Variants in WWOX observed in about 807,000 individuals in gnomAD.
WWOX encodes WW domain containing oxidoreductase, also known as WW domain-containing oxidoreductase.
A neutral mutation model predicts 46.2 loss-of-function variants in WWOX; 69 were observed. That is an observed-to-expected ratio of 1.49 (90% CI 1.23 to 1.82). The LOEUF (loss-of-function observed/expected upper bound fraction) is 1.82, where lower values mean the gene tolerates loss of function less well. Ranked by LOEUF, WWOX falls within the 40% of genes most tolerant of loss-of-function variation. The pLI is 0.00. For missense variants in WWOX, 919 were observed against 542.6 expected (o/e 1.69, Z -6.89); for synonymous variants, 359 against 202.6 (o/e 1.77, Z -6.56).
chr16:78,626,684 G>A (rs1057117391), intron 8 of WWOX, among the ~76,000 whole-genome samples: 1 of 152,110 alleles, frequency 6.6e-6, no homozygotes, highest in South Asian at 2.1e-4. Context: ...GCTGTGCCCA[G>A]CTCATGCTTG....
intron 8 of WWOX, among the ~76,000 whole-genome samples, chr16:78,834,421 C>T (rs574881321): frequency 6.6e-6 from 1 of 152,246 alleles, no homozygotes; most frequent in South Asian, 2.1e-4. Context: ...TTCTAGGTTT[C>T]TGTGCCCCTC....
chr16:78,542,068 T>G (rs1049100503), intron 8 of WWOX, among the ~76,000 whole-genome samples: 5 of 135,502 alleles, frequency 3.7e-5, no homozygotes, highest in Non-Finnish European at 7.8e-5. Flanking sequence ...AGACCCCAGC[T>G]TAGGACCTGG....
intron 8 of WWOX, among the ~76,000 whole-genome samples, chr16:78,568,212 G>A (rs1008209487): frequency 6.6e-6 from 1 of 152,112 alleles, no homozygotes; most frequent in African/African-American, 2.4e-5. Context: ...AACATCGGCT[G>A]TGCATAGTAA....
chr16:78,354,842 C>T (rs12445154), intron 5 of WWOX, among the ~76,000 whole-genome samples: 110,805 of 152,090 alleles, frequency 0.73, 41,334 homozygotes, highest in African/African-American at 0.79. Flanking sequence ...TCATCAAAAA[C>T]AGAGATGACA....
intron 5 of WWOX, among the ~76,000 whole-genome samples, chr16:78,187,008 C>G (rs953298415): frequency 7.2e-5 from 11 of 152,080 alleles, no homozygotes; most frequent in African/African-American, 2.2e-4. Flanking sequence ...GCGGCTCTCT[C>G]TGTGTGTGTG....
intron 8 of WWOX, among the ~76,000 whole-genome samples, chr16:78,684,794 T>G (rs2047817111): frequency 6.6e-6 from 1 of 152,220 alleles, no homozygotes; most frequent in Non-Finnish European, 1.5e-5. Context: ...GAGCTTCTCT[T>G]TGTTCCCATA....
intron 8 of WWOX, among the ~76,000 whole-genome samples, chr16:78,808,134 C>T (rs2051091563): frequency 6.6e-6 from 1 of 152,172 alleles, no homozygotes; most frequent in Non-Finnish European, 1.5e-5. Flanking sequence ...CTGTAGTCAA[C>T]CCCACTCCTC....
chr16:78,602,603 A>C (rs1003416361), intron 8 of WWOX, among the ~76,000 whole-genome samples: 1 of 152,186 alleles, frequency 6.6e-6, no homozygotes, highest in African/African-American at 2.4e-5. Context: ...TTCCATGCAA[A>C]AGATAAACTG....
intron 8 of WWOX, among the ~76,000 whole-genome samples, chr16:78,729,361 AAAAAT>A (rs1448346670): frequency 2.6e-5 from 4 of 152,004 alleles, no homozygotes; most frequent in South Asian, 4.1e-4. Context: ...AAGTAAAAAT[AAAAAT>A]AAAATAAATA....
At chr16:78,469,360 CAG>C (rs1467141028) in intron 8 of WWOX, among the ~76,000 whole-genome samples, 11 of 152,252 alleles carry the variant, frequency 7.2e-5, no homozygotes, top group African/African-American at 2.6e-4. Context: ...GTTACAAAGG[CAG>C]ACTCTTAAGC....
rs201595248 is a variant in WWOX, at chr16:78,827,682, A to AT, written c.1057-383926_1057-383925insT. Among the ~76,000 whole-genome samples, 274 of 151,696 alleles carry AT rather than the reference A, an allele frequency of 1.8e-3. 7 individuals carry two copies. The East Asian group carries it at 0.034, about 19-fold the overall frequency. On this transcript the variant is annotated intron_variant, in intron 8 of 8. Transcript: ENST00000566780. Reference sequence around the variant, plus strand: ...ACCCCATCTCTACTAAAAATAAAAAAAAAAAAAAATTAGCCAGGCATGGTG... The same window carrying AT: ...ACCCCATCTCTACTAAAAATAAAAAATAAAAAAAAATTAGCCAGGCATGGTG...
At chr16:79,008,279 T>C (rs1239781382) in intron 8 of WWOX, among the ~76,000 whole-genome samples, 1 of 152,164 alleles carries the variant, frequency 6.6e-6, no homozygotes, top group African/African-American at 2.4e-5. Flanking sequence ...GGCTCCCCCA[T>C]GCTCTGAGTC....
intron 8 of WWOX, among the ~76,000 whole-genome samples, chr16:79,186,622 CG>C (rs375702729): frequency 4.6e-5 from 7 of 152,124 alleles, no homozygotes; most frequent in African/African-American, 1.4e-4. Context: ...GAGGCAATGG[CG>C]GTTGGGACTT....
At chr16:78,189,222 A>T (rs1359655951) in intron 5 of WWOX, among the ~76,000 whole-genome samples, 1 of 152,190 alleles carries the variant, frequency 6.6e-6, no homozygotes, top group South Asian at 2.1e-4. Context: ...CATGGGGCAC[A>T]TTGTGACAAG....
chr16:78,314,114 A>C (rs1016545566), intron 5 of WWOX, among the ~76,000 whole-genome samples: 4 of 152,156 alleles, frequency 2.6e-5, no homozygotes, highest in Non-Finnish European at 5.9e-5. Flanking sequence ...CTTCTAAGAA[A>C]GTACAGGAGA....
intron 5 of WWOX, among the ~76,000 whole-genome samples, chr16:78,355,329 G>C (rs761901461): frequency 6.6e-6 from 1 of 152,154 alleles, no homozygotes; most frequent in Admixed American, 6.5e-5. Flanking sequence ...GGTGCTGGGC[G>C]CAGTGGCTCA....
At chr16:78,508,343 C>T (rs1333752748) in intron 8 of WWOX, among the ~76,000 whole-genome samples, 26 of 76,570 alleles carry the variant, frequency 3.4e-4, no homozygotes, top group African/African-American at 8.0e-4. Context: ...TTTTTTTTAA[C>T]GCTCATCAGC....
intron 8 of WWOX, among the ~76,000 whole-genome samples, chr16:78,521,762 C>G (rs929511394): frequency 6.7e-6 from 1 of 148,444 alleles, no homozygotes; most frequent in Non-Finnish European, 1.5e-5. Context: ...AGTATTTAGT[C>G]AACACTTTAA....
At chr16:79,162,347 G>A (rs1010411042) in intron 8 of WWOX, among the ~76,000 whole-genome samples, 1 of 152,130 alleles carries the variant, frequency 6.6e-6, no homozygotes, top group Admixed American at 6.5e-5. Context: ...TTGGAGTTAA[G>A]GCCACGCAGA....
Sources: allele counts gnomAD v4.1 joint callset (sites outside exome capture counted in the v4.1 genomes callset), GRCh38; gene constraint gnomAD v4.1.1; transcripts MANE v1.5; gene names NCBI Gene and HGNC (gene_info 2026-07-23, HGNC 2026-07-21).